GPHN: variants seen among roughly 807,000 people sequenced by gnomAD.
GPHN encodes gephyrin.
A neutral mutation model predicts 95.5 loss-of-function variants in GPHN; 17 were observed. That is an observed-to-expected ratio of 0.18 (90% CI 0.12 to 0.27). The LOEUF is 0.27. Ranked by LOEUF, GPHN falls within the 10% of genes least tolerant of loss-of-function variation. GPHN has a pLI of 1.00. For missense variants in GPHN, 660 were observed against 978.1 expected (o/e 0.67, Z 4.34); for synonymous variants, 320 against 322.5 (o/e 0.99, Z 0.08).
the GPHN span, among the ~76,000 whole-genome samples, chr14:67,508,198 G>C: frequency 6.6e-6 from 1 of 150,634 alleles, no homozygotes; most frequent in African/African-American, 2.4e-5. Flanking sequence ...ACTTCCTCCA[G>C]CTCTGACTTT....
chr14:67,662,272 A>G, the GPHN span, among the ~76,000 whole-genome samples: 2 of 152,198 alleles, frequency 1.3e-5, 1 homozygote, highest in South Asian at 4.1e-4. Flanking sequence ...CCAAAGAGTC[A>G]CATTTCAGGA....
At chr14:67,289,201 C>T in the GPHN span, among the ~76,000 whole-genome samples, 15 of 152,128 alleles carry the variant, frequency 9.9e-5, no homozygotes, top group South Asian at 2.7e-3. Flanking sequence ...CTCCTGACTT[C>T]GTGTGATCCA....
At chr14:67,540,750 T>A in the GPHN span, among the ~76,000 whole-genome samples, 2 of 152,214 alleles carry the variant, frequency 1.3e-5, no homozygotes, top group Non-Finnish European at 2.9e-5. Flanking sequence ...GAAGCATCAT[T>A]CATCATAATG....
chr14:67,489,216 C>A, the GPHN span, among the ~76,000 whole-genome samples: 1 of 152,154 alleles, frequency 6.6e-6, no homozygotes, highest in Non-Finnish European at 1.5e-5. Flanking sequence ...AATGAAAACA[C>A]AGAGGGTTCA....
chr14:66,602,918 T>A (rs1394127255), intron 1 of GPHN, among the ~76,000 whole-genome samples: 1 of 151,912 alleles, frequency 6.6e-6, no homozygotes, highest in African/African-American at 2.4e-5. Flanking sequence ...TTCATATATT[T>A]CAATATTATC....
chr14:66,669,876 A>G (rs995364560), intron 1 of GPHN, among the ~76,000 whole-genome samples: 13 of 152,106 alleles, frequency 8.5e-5, no homozygotes, highest in African/African-American at 3.1e-4. Flanking sequence ...TTTTTGAATA[A>G]TTTTTATCAT....
the GPHN span, among the ~76,000 whole-genome samples, chr14:67,325,107 A>G: frequency 2.0e-4 from 30 of 151,580 alleles, no homozygotes; most frequent in East Asian, 4.3e-3. Context: ...GGATTTCACC[A>G]TGTTAGCCAG....
At chr14:66,926,106 T>A (rs1567110851) in intron 8 of GPHN, among the ~76,000 whole-genome samples, 2 of 152,200 alleles carry the variant, frequency 1.3e-5, no homozygotes, top group South Asian at 2.1e-4. Flanking sequence ...TTGTTTTATG[T>A]TTTTTCCTAT....
rs981771946 is a variant in GPHN at position 66,647,835 on chromosome 14, G to A, written c.65-33272G>A. ...GAAATATGTATGTGCATATTAAATG[G>A]AAAATGTTTTAAAAATATTCAAATG... is the stretch of plus-strand genomic sequence containing the variant. On this transcript the variant is annotated intron_variant, in intron 1 of 22. Transcript: ENST00000478722. Among the ~76,000 whole-genome samples the A allele has an allele frequency of 3.9e-5, 6 of 152,106 alleles. No homozygotes were observed. The East Asian group carries it at 1.2e-3, about 29-fold the overall frequency.
chr14:66,655,949 T>A (rs2153369433), intron 1 of GPHN, among the ~76,000 whole-genome samples: 1 of 152,328 alleles, frequency 6.6e-6, no homozygotes, highest in South Asian at 2.1e-4. Flanking sequence ...ATAAGCACCA[T>A]TTAGTCACGA....
At chr14:67,423,549 G>A in the GPHN span, among the ~76,000 whole-genome samples, 1 of 152,100 alleles carries the variant, frequency 6.6e-6, no homozygotes, top group Admixed American at 6.6e-5. Flanking sequence ...GGAACTCAAA[G>A]GGAAAGTGGG....
chr14:67,608,603 A>G, the GPHN span, among the ~76,000 whole-genome samples: 1 of 152,222 alleles, frequency 6.6e-6, no homozygotes, highest in South Asian at 2.1e-4. Context: ...TTGATGCCGA[A>G]TGAATCTGAA....
At chr14:67,576,007 T>C in the GPHN span, 1 of 1,606,918 alleles carries the variant, frequency 6.2e-7, no homozygotes, top group East Asian at 2.2e-5. The surrounding 1 kb of genome is among the most constrained non-coding windows in gnomAD (Gnocchi z 4.0). Context: ...CATGAAAAGG[T>C]AAGGAAGAGG....
At chr14:66,852,480 G>T (rs2062629393) in intron 4 of GPHN, among the ~76,000 whole-genome samples, 1 of 152,234 alleles carries the variant, frequency 6.6e-6, no homozygotes, top group African/African-American at 2.4e-5. Context: ...TTAAAATATT[G>T]CATATGGATG....
At chr14:66,545,792 A>C (rs1386285011) in intron 1 of GPHN, among the ~76,000 whole-genome samples, 2 of 130,982 alleles carry the variant, frequency 1.5e-5, no homozygotes, top group Non-Finnish European at 3.3e-5. Flanking sequence ...GGGGCTCCTC[A>C]CTTCCCAGTA....
chr14:66,946,345 A>G (rs1308142006), intron 8 of GPHN, among the ~76,000 whole-genome samples: 1 of 152,148 alleles, frequency 6.6e-6, no homozygotes, highest in Non-Finnish European at 1.5e-5. Flanking sequence ...AAAGGCATTA[A>G]TCACCAAACC....
At chr14:66,977,250 A>G (rs2070314278) in intron 9 of GPHN, among the ~76,000 whole-genome samples, 2 of 152,048 alleles carry the variant, frequency 1.3e-5, no homozygotes, top group Admixed American at 6.6e-5. Flanking sequence ...ACTAACACGG[A>G]GAAACCCTGT....
At chr14:66,980,634 G>A (rs1038661809) in intron 9 of GPHN, among the ~76,000 whole-genome samples, 6 of 151,990 alleles carry the variant, frequency 3.9e-5, no homozygotes, top group Non-Finnish European at 8.8e-5. Flanking sequence ...ATTTTGTATA[G>A]ATTATACTGT....
the GPHN span, among the ~76,000 whole-genome samples, chr14:67,672,654 G>A: frequency 1.3e-5 from 2 of 151,026 alleles, no homozygotes; most frequent in Non-Finnish European, 2.9e-5. Flanking sequence ...TATTGGCCAG[G>A]CTGGTCTTGA....
Sources: allele counts gnomAD v4.1 joint callset (sites outside exome capture counted in the v4.1 genomes callset), GRCh38; gene constraint gnomAD v4.1.1; non-coding constraint Gnocchi (gnomAD v3.1); transcripts MANE v1.5; gene names NCBI Gene and HGNC (gene_info 2026-07-23, HGNC 2026-07-21).